TBC1D22A: variants seen among roughly 807,000 people sequenced by gnomAD.
The protein encoded by TBC1D22A is putative GTPase activator.
TBC1D22A carries 38 observed loss-of-function variants against 60.2 expected under a neutral mutation model. The ratio of observed to expected loss-of-function variants is 0.63; its 90% confidence interval spans 0.49 to 0.83. The LOEUF (loss-of-function observed/expected upper bound fraction) is 0.83, where lower values mean the gene tolerates loss of function less well. Ranked by LOEUF, TBC1D22A falls within the 40% of genes least tolerant of loss-of-function variation. The pLI is 0.00. For synonymous variants in TBC1D22A, 302 were observed against 281.7 expected, an observed-to-expected ratio of 1.07 and a Z score of -0.72; for missense variants, 628 against 701.0, an observed-to-expected ratio of 0.90 and a Z score of 1.18.
intron 9 of TBC1D22A, among the ~76,000 whole-genome samples, chr22:46,979,875 C>G (rs922053325): frequency 2.0e-5 from 3 of 152,092 alleles, no homozygotes; most frequent in African/African-American, 7.2e-5. Context: ...TAGGGACCCC[C>G]AGGAGTTGGC....
At chr22:46,813,666 CAT>C (rs1185113626) in intron 4 of TBC1D22A, among the ~76,000 whole-genome samples, 1 of 152,182 alleles carries the variant, frequency 6.6e-6, no homozygotes, top group Non-Finnish European at 1.5e-5. Flanking sequence ...GGCCCTTAAG[CAT>C]ATGTCAGAAG....
chr22:46,842,204 GA>G (rs2086801797), intron 4 of TBC1D22A, among the ~76,000 whole-genome samples: 1 of 152,234 alleles, frequency 6.6e-6, no homozygotes, highest in African/African-American at 2.4e-5. Flanking sequence ...ACCCAGAGCT[GA>G]AATAACAAGC....
At position 46,843,688 on chromosome 22, in the gene TBC1D22A, C is replaced by T. The variant is rs2086872290; in HGVS notation, c.638-34965C>T. On this transcript the variant is annotated intron_variant, in intron 4 of 12. Transcript: ENST00000337137. ...ATCTGTTTTGGGGGTAAACGGGGCA[C>T]TCTTAACAGTTTAAGAGGGGCAGGT... Among the ~76,000 whole-genome samples the T allele has an allele frequency of 2.6e-5, 4 of 152,134 alleles. No homozygotes were observed. In the South Asian group the frequency reaches 8.3e-4, roughly 32 times the overall value.
intron 4 of TBC1D22A, among the ~76,000 whole-genome samples, chr22:46,821,000 G>C: frequency 6.8e-6 from 1 of 147,234 alleles, no homozygotes; most frequent in East Asian, 2.0e-4. Context: ...TGTCTTTTTT[G>C]ATCTTTGTTG....
In TBC1D22A at chr22:47,020,482, A is replaced by G. The variant is rs1380878592; in HGVS notation, c.1202-16589A>G. Among the ~76,000 whole-genome samples the G allele has an allele frequency of 2.7e-5, 4 of 147,504 alleles. No individual in the cohort carries two copies. In the East Asian group the frequency reaches 5.8e-4, roughly 21 times the overall value. ...GTGCTGTTTTCACTGGGAGTTTCTT[A>G]TTTCTCTGTTTCCTTCTCCATTTAA... On this transcript the variant is annotated intron_variant, in intron 10 of 12. Transcript: ENST00000337137.
At chr22:46,767,414 G>A (rs534959232) in intron 1 of TBC1D22A, among the ~76,000 whole-genome samples, 10 of 152,112 alleles carry the variant, frequency 6.6e-5, no homozygotes, top group Non-Finnish European at 1.2e-4. Context: ...GGGCTTCTTG[G>A]ACCAGTTTTG....
rs761488526 is a variant in TBC1D22A at position 46,876,905 on chromosome 22, C to T, written c.638-1748C>T. On this transcript the variant is annotated intron_variant, in intron 4 of 12. Coordinates refer to ENST00000337137, the MANE Select transcript of TBC1D22A (RefSeq NM_014346.5). ...GAGGATGGTCATGTGGCTTCCCTGT[C>T]GACCCCATTCAGCATGTGGGTAAAG... 7.4e-4 allele frequency among the ~76,000 whole-genome samples: 113 copies of T among 152,234 alleles called. 1 individual carries two copies. The highest frequency in any genetic ancestry group is 1.2e-3 in the Admixed American group (19 of 15,288).
At chr22:46,989,451 G>A (rs1006918811) in intron 9 of TBC1D22A, among the ~76,000 whole-genome samples, 8 of 152,214 alleles carry the variant, frequency 5.3e-5, no homozygotes, top group South Asian at 2.1e-4. Context: ...GAGAATGTGC[G>A]ACTCTTTCTT....
intron 7 of TBC1D22A, among the ~76,000 whole-genome samples, chr22:46,901,742 A>C (rs2069011752): frequency 6.6e-6 from 1 of 152,178 alleles, no homozygotes; most frequent in African/African-American, 2.4e-5. Context: ...ATGTTGCAGA[A>C]ACTTGAGTTG....
chr22:47,122,303 C>A (rs1042211692), intron 12 of TBC1D22A, among the ~76,000 whole-genome samples: 5 of 152,188 alleles, frequency 3.3e-5, no homozygotes, highest in African/African-American at 9.7e-5. Flanking sequence ...CGAGGTTTCC[C>A]GAACTGCCCT....
Position 46,997,614 on chromosome 22 carries a change from C to T in TBC1D22A, c.1126-20C>T. The T allele has an allele frequency of 6.2e-7, 1 of 1,604,116 alleles. No individual in the cohort carries two copies. Among genetic ancestry groups the T allele is most frequent in the Admixed American group, 1.7e-5 (1 of 59,986 alleles). Reference sequence around the variant, plus strand: ...TTTTATTTTATATGCATATGATTCACATTATTCTTTTTTCCTTAGGACAAC... The same window carrying T: ...TTTTATTTTATATGCATATGATTCATATTATTCTTTTTTCCTTAGGACAAC... On this transcript the variant is annotated intron_variant, in intron 9 of 12. Coordinates refer to ENST00000337137, the MANE Select transcript of TBC1D22A (RefSeq NM_014346.5).
chr22:47,057,793 G>T (rs1194440042), intron 11 of TBC1D22A, among the ~76,000 whole-genome samples: 8 of 152,146 alleles, frequency 5.3e-5, no homozygotes, highest in Non-Finnish European at 1.2e-4. Context: ...CATAACACGT[G>T]GGGATTATGG....
intron 11 of TBC1D22A, among the ~76,000 whole-genome samples, chr22:47,080,192 C>T (rs910395130): frequency 2.6e-5 from 4 of 152,142 alleles, no homozygotes; most frequent in Admixed American, 6.5e-5. Context: ...ACTTTTGTTT[C>T]TCAGTCATTG....
intron 12 of TBC1D22A, among the ~76,000 whole-genome samples, chr22:47,167,690 G>T (rs1027676956): frequency 1.3e-5 from 2 of 152,216 alleles, no homozygotes; most frequent in African/African-American, 4.8e-5. Flanking sequence ...GGTAAGTCCA[G>T]GGTTTTTATG....
chr22:47,085,604 A>T (rs964670497), intron 11 of TBC1D22A, among the ~76,000 whole-genome samples: 1 of 152,222 alleles, frequency 6.6e-6, no homozygotes, highest in Non-Finnish European at 1.5e-5. Flanking sequence ...GGAAAATTGC[A>T]TTAAGTTAAT....
At chr22:47,053,789 C>T (rs1042523005) in intron 11 of TBC1D22A, among the ~76,000 whole-genome samples, 1 of 152,252 alleles carries the variant, frequency 6.6e-6, no homozygotes, top group Non-Finnish European at 1.5e-5. Flanking sequence ...TTTGGATTCC[C>T]GCGTGCTGCC....
At chr22:46,799,385 A>AT (rs1483037008) in intron 4 of TBC1D22A, among the ~76,000 whole-genome samples, 9 of 152,200 alleles carry the variant, frequency 5.9e-5, no homozygotes, top group Non-Finnish European at 1.2e-4. Context: ...AGTTGGAGAT[A>AT]TATCCCTTTA....
chr22:47,100,864 G>A (rs1270842600), intron 11 of TBC1D22A, among the ~76,000 whole-genome samples: 1 of 152,188 alleles, frequency 6.6e-6, no homozygotes, highest in African/African-American at 2.4e-5. Context: ...CTTCAAAGCA[G>A]AGTCCTGTCT....
At chr22:46,843,802 G>T (rs9627591) in intron 4 of TBC1D22A, among the ~76,000 whole-genome samples, 44,239 of 151,762 alleles carry the variant, frequency 0.29, 6,459 homozygotes, top group East Asian at 0.32. Flanking sequence ...AAAATAAACT[G>T]CATCTCATTC....
Sources: allele counts gnomAD v4.1 joint callset (sites outside exome capture counted in the v4.1 genomes callset), GRCh38; gene constraint gnomAD v4.1.1; transcripts MANE v1.5; gene names NCBI Gene and HGNC (gene_info 2026-07-23, HGNC 2026-07-21).